The following TAPT1 variants were observed in gnomAD, a reference collection of about 807,000 sequenced individuals.
The protein encoded by TAPT1 is transmembrane anterior posterior transformation 1.
A neutral mutation model predicts 65.6 loss-of-function variants in TAPT1; 28 were observed. The ratio of observed to expected loss-of-function variants is 0.43; its 90% CI spans 0.32 to 0.59. The LOEUF (loss-of-function observed/expected upper bound fraction) is 0.59, where lower values mean the gene tolerates loss of function less well. TAPT1 is among the 20% of genes least tolerant of loss of function. The probability of loss-of-function intolerance (pLI) is 0.09; values close to 1 mark genes in which losing one functional copy is unlikely to be tolerated. For missense variants in TAPT1, 563 were observed against 679.9 expected, an observed-to-expected ratio of 0.83 and a Z score of 1.91; for synonymous variants, 278 against 245.2, an observed-to-expected ratio of 1.13 and a Z score of -1.25.
intron 13 of TAPT1, among the ~76,000 whole-genome samples, chr4:16,164,996 A>G (rs894542957): frequency 6.6e-6 from 1 of 152,038 alleles, no homozygotes; most frequent in African/African-American, 2.4e-5. Context: ...CACACTCCAC[A>G]CTTGCCATAT....
At chr4:16,226,199 C>T (rs897279556) in intron 1 of TAPT1, 60 bp downstream of exon 1, 6 of 1,086,778 alleles carry the variant, frequency 5.5e-6, no homozygotes, top group African/African-American at 1.7e-5. Flanking sequence ...GCGCCCCCGC[C>T]GCCCTCGGTC....
intron 1 of TAPT1, among the ~76,000 whole-genome samples, chr4:16,218,230 C>T (rs1751049349): frequency 6.6e-6 from 1 of 152,084 alleles, no homozygotes; most frequent in Non-Finnish European, 1.5e-5. Flanking sequence ...ATGGCGAAAC[C>T]CCGTCTCTAC....
In TAPT1 at chr4:16,200,819, T is replaced by C. The variant is rs113539434; in HGVS notation, c.449+1643A>G. ...GGAGTGATAAAAGAAAATAGTTTAT[T>C]GTGGTTAGGTTTTGTTAGTATTAAT... On this transcript the variant is annotated intron_variant, in intron 3 of 13. Transcript: ENST00000405303. Among the ~76,000 whole-genome samples, 496 of 152,346 alleles carry C rather than the reference T, an allele frequency of 3.3e-3. 4 individuals carry two copies. Among genetic ancestry groups the C allele is most frequent in the African/African-American group, 0.011 (467 of 41,588 alleles).
chr4:16,223,840 T>C (rs1201240436), intron 1 of TAPT1, among the ~76,000 whole-genome samples: 2 of 152,186 alleles, frequency 1.3e-5, no homozygotes, highest in East Asian at 3.8e-4. Flanking sequence ...TTTGGATAAG[T>C]ACCTAATATG....
intron 9 of TAPT1, among the ~76,000 whole-genome samples, chr4:16,175,632 C>T: frequency 6.6e-6 from 1 of 152,126 alleles, no homozygotes; most frequent in East Asian, 1.9e-4. Flanking sequence ...TTATCCAGAA[C>T]ATCTGGTTAG....
intron 11 of TAPT1, 91 bp from the exon 12 acceptor site, chr4:16,170,820 G>T: frequency 1.0e-6 from 1 of 973,768 alleles, no homozygotes; most frequent in Non-Finnish European, 1.6e-6. Flanking sequence ...ATTTCTCCAT[G>T]CTGACTTTAA....
At chr4:16,197,953 A>G (rs954240407) in intron 3 of TAPT1, among the ~76,000 whole-genome samples, 1 of 152,196 alleles carries the variant, frequency 6.6e-6, no homozygotes, top group African/African-American at 2.4e-5. Flanking sequence ...GAGATCACTG[A>G]GGACAGACAT....
chr4:16,219,827 A>G (rs1751148412), intron 1 of TAPT1, among the ~76,000 whole-genome samples: 1 of 152,246 alleles, frequency 6.6e-6, no homozygotes, highest in Non-Finnish European at 1.5e-5. Flanking sequence ...AGACTTGTCC[A>G]AAGTCATTGA....
intron 8 of TAPT1, among the ~76,000 whole-genome samples, chr4:16,177,764 T>C (rs1748428409): frequency 6.6e-6 from 1 of 152,038 alleles, no homozygotes; most frequent in African/African-American, 2.4e-5. Context: ...GCTGTTTTTA[T>C]GTTCCTCATG....
At position 16,194,092 on chromosome 4, in the gene TAPT1, A is replaced by G. The variant is rs575727953; in HGVS notation, c.450-2569T>C. Among the ~76,000 whole-genome samples the G allele has an allele frequency of 8.8e-4, 134 of 152,342 alleles. 2 individuals carry two copies. The highest frequency in any genetic ancestry group is 3.1e-3 in the African/African-American group (130 of 41,574). Reference sequence around the variant, plus strand: ...TTGAATCAAAGAACAACGTGTTAGTATATCAATGAAGGAATAGTATATTTA... The same window carrying G: ...TTGAATCAAAGAACAACGTGTTAGTGTATCAATGAAGGAATAGTATATTTA... On this transcript the variant is annotated intron_variant, in intron 3 of 13. Coordinates refer to ENST00000405303, the MANE Select transcript of TAPT1 (RefSeq NM_153365.3).
At chr4:16,215,490 CACACAT>C (rs932972668) in intron 1 of TAPT1, among the ~76,000 whole-genome samples, 7 of 152,138 alleles carry the variant, frequency 4.6e-5, no homozygotes, top group African/African-American at 1.4e-4. Flanking sequence ...TGTGTATGTA[CACACAT>C]ACACATACAC....
At chr4:16,212,384 C>G (rs1259356353) in intron 2 of TAPT1, among the ~76,000 whole-genome samples, 1 of 152,240 alleles carries the variant, frequency 6.6e-6, no homozygotes, top group African/African-American at 2.4e-5. Context: ...ACACTTCCAT[C>G]TCATGGCTTA....
chr4:16,197,412 C>T (rs1170468480), intron 3 of TAPT1, among the ~76,000 whole-genome samples: 1 of 152,114 alleles, frequency 6.6e-6, no homozygotes, highest in Non-Finnish European at 1.5e-5. Flanking sequence ...TTCTTGGTAC[C>T]AGGCTATATC....
intron 11 of TAPT1, among the ~76,000 whole-genome samples, chr4:16,171,042 C>T (rs1030686153): frequency 2.0e-5 from 3 of 152,194 alleles, no homozygotes; most frequent in African/African-American, 7.2e-5. Context: ...CACACTTATA[C>T]CTCACAGGGA....
Position 16,191,495 on chromosome 4 carries a change from C to A in TAPT1, c.478G>T (p.Val160Leu), listed in dbSNP as rs1369235854. Residue 160 changes from valine (V) to leucine (L), a missense_variant, in exon 4 of 14, where the codon GTG (valine) becomes TTG (leucine). By Grantham distance (32) the Val-to-Leu change is conservative. Around this residue, in one of 5 missense-constraint regions of TAPT1, gnomAD observed 217 missense variants for 317.5 expected, o/e 0.68. Transcript: ENST00000405303. ...ATGACACCCTTCAAAATGTCACACACCTGGGCAGGCTGAAGCAAACGTCTG... is the reference window on the plus strand; with the variant it reads ...ATGACACCCTTCAAAATGTCACACAACTGGGCAGGCTGAAGCAAACGTCTG... Reference protein sequence around the residue: ...RDRRLLQPAQVCDILKGVILV... With the variant: ...RDRRLLQPAQLCDILKGVILV... 7 of 1,562,334 alleles carry A rather than the reference C, an allele frequency of 4.5e-6. No homozygotes were observed. Among genetic ancestry groups the A allele is most frequent in the Non-Finnish European group, 6.1e-6 (7 of 1,152,734 alleles).
chr4:16,224,720 T>C (rs1751447775), intron 1 of TAPT1, among the ~76,000 whole-genome samples: 2 of 152,116 alleles, frequency 1.3e-5, no homozygotes, highest in South Asian at 2.1e-4. Flanking sequence ...ACCATGTTGG[T>C]GAAGAATGGA....
intron 3 of TAPT1, among the ~76,000 whole-genome samples, chr4:16,202,022 G>T (rs1280458095): frequency 6.6e-6 from 1 of 152,128 alleles, no homozygotes; most frequent in African/African-American, 2.4e-5. Context: ...AAATGGAGGA[G>T]GAACACTTGC....
At chr4:16,223,463 A>C (rs1751374699) in intron 1 of TAPT1, among the ~76,000 whole-genome samples, 2 of 152,246 alleles carry the variant, frequency 1.3e-5, no homozygotes, top group Admixed American at 6.5e-5. Context: ...AAGGCCAGTA[A>C]CCACATATGC....
chr4:16,193,234 C>CA (rs1002599827), intron 3 of TAPT1, among the ~76,000 whole-genome samples: 6 of 152,278 alleles, frequency 3.9e-5, no homozygotes, highest in African/African-American at 1.4e-4. Context: ...TGGGCTGGAC[C>CA]AATGAGCCTA....
Sources: allele counts gnomAD v4.1 joint callset (sites outside exome capture counted in the v4.1 genomes callset), GRCh38; gene constraint gnomAD v4.1.1; regional missense constraint gnomAD v4.1.1; transcripts MANE v1.5; gene names NCBI Gene and HGNC (gene_info 2026-07-23, HGNC 2026-07-21).